Variants in GRM5 observed in about 807,000 individuals in gnomAD.
The protein encoded by GRM5 is metabotropic glutamate receptor 5.
A neutral mutation model predicts 83.1 loss-of-function variants in GRM5; 19 were observed. The observed-to-expected ratio is 0.23, with a 90% CI of 0.16 to 0.34. GRM5 has a LOEUF of 0.34. Ranked by LOEUF, GRM5 falls within the 10% of genes least tolerant of loss-of-function variation. The pLI, the probability that GRM5 is intolerant of heterozygous loss-of-function variation, is 1.00. For missense variants in GRM5, 1,160 were observed against 1,588.3 expected (o/e 0.73, Z 4.58); for synonymous variants, 675 against 633.6 (o/e 1.07, Z -0.98).
chr11:88,546,704 G>A (rs921163305), intron 8 of GRM5, among the ~76,000 whole-genome samples: 3 of 152,014 alleles, frequency 2.0e-5, no homozygotes, highest in Admixed American at 1.3e-4. Flanking sequence ...AGCTTGATGC[G>A]TGGGGATAAA....
intron 2 of GRM5, chr11:88,911,954 C>T (rs767855688): frequency 4.9e-5 from 22 of 451,206 alleles, no homozygotes; most frequent in East Asian, 4.2e-4. Context: ...TACCCAAGTA[C>T]GAAATTTTTT....
intron 2 of GRM5, among the ~76,000 whole-genome samples, chr11:88,992,397 G>T (rs1014446922): frequency 6.6e-6 from 1 of 151,982 alleles, no homozygotes; most frequent in East Asian, 1.9e-4. Context: ...GGAAAAATAG[G>T]AACACTTTTA....
chr11:88,961,258 G>A (rs1938774103), intron 2 of GRM5, among the ~76,000 whole-genome samples: 1 of 152,150 alleles, frequency 6.6e-6, no homozygotes, highest in Non-Finnish European at 1.5e-5. Context: ...CTAGACAGGT[G>A]GGTAAACAAA....
At chr11:88,715,680 C>T (rs1026858469) in intron 3 of GRM5, among the ~76,000 whole-genome samples, 4 of 152,012 alleles carry the variant, frequency 2.6e-5, no homozygotes, top group African/African-American at 9.7e-5. Context: ...ATTTCATTTT[C>T]ATTTCAACAG....
In GRM5 at chr11:89,047,921, C is replaced by G. The variant is rs55835087; in HGVS notation, c.-49G>C. The stretch of plus-strand genomic sequence containing the variant: ...TAAAGATAGCATGGTGGGGAAAATT[C>G]AGGAGGGTTCTGATAGCTACGAACA... On this transcript the variant is annotated 5_prime_UTR_variant, in exon 2 of 10. Coordinates refer to ENST00000305447, the MANE Select transcript of GRM5 (RefSeq NM_001143831.3). This position sits in a 1 kb window ranked among gnomAD's most constrained non-coding sequence, Gnocchi z 5.1. 38 of 1,452,354 alleles carry G rather than the reference C, an allele frequency of 2.6e-5. No individual in the cohort carries two copies. In the Admixed American group the frequency reaches 5.7e-4, roughly 22 times the overall value. The allele number at this position is 1,452,354 out of a possible 1,614,324, so 90.0% of individuals were successfully genotyped here. A position where few individuals can be genotyped will look rare whatever the true frequency, so the allele number is the denominator to read the frequency against.
At chr11:88,811,846 C>T (rs12795125) in intron 3 of GRM5, among the ~76,000 whole-genome samples, 43,682 of 151,902 alleles carry the variant, frequency 0.29, 7,531 homozygotes, top group Non-Finnish European at 0.4. Flanking sequence ...GGGTACCATG[C>T]GCCAACTTAC....
intron 1 of GRM5, among the ~76,000 whole-genome samples, chr11:89,049,708 C>A (rs1941716418): frequency 1.3e-5 from 2 of 152,080 alleles, no homozygotes; most frequent in African/African-American, 4.8e-5. Context: ...TTTAATATTT[C>A]ATCAAATAAC....
At chr11:88,834,782 T>C (rs912590970) in intron 3 of GRM5, among the ~76,000 whole-genome samples, 3 of 152,186 alleles carry the variant, frequency 2.0e-5, no homozygotes, top group African/African-American at 7.2e-5. Context: ...AGCTATGAAA[T>C]AGACCTGTCA....
In GRM5 at chr11:88,567,360, C is replaced by A; in HGVS notation, c.2323G>T (p.Ala775Ser). 1 of 1,614,038 alleles carries A rather than the reference C, an allele frequency of 6.2e-7. No individual in the cohort carries two copies. Among genetic ancestry groups the A allele is most frequent in the Non-Finnish European group, 8.5e-7 (1 of 1,179,978 alleles). ...PANFNEAKYIAFTMYTTCIIW... is the reference protein window; with the variant it reads ...PANFNEAKYISFTMYTTCIIW... ...ATGCAGGTCGTGTACATTGTGAAGGCGATATACTTGGCCTCGTTGAAGTTA... is the reference window on the plus strand; with the variant it reads ...ATGCAGGTCGTGTACATTGTGAAGGAGATATACTTGGCCTCGTTGAAGTTA... The change falls in exon 8 of 10, where the codon GCC (alanine) becomes TCC (serine). Residue 775 changes from alanine (A) to serine (S), a missense_variant. Ala to Ser is a moderately conservative substitution (Grantham distance 99). Coordinates refer to ENST00000305447, the MANE Select transcript of GRM5 (RefSeq NM_001143831.3). The surrounding 1 kb of genome is among the most constrained non-coding windows in gnomAD (Gnocchi z 7.3).
At chr11:88,755,566 G>A (rs2135432212) in intron 3 of GRM5, among the ~76,000 whole-genome samples, 1 of 152,090 alleles carries the variant, frequency 6.6e-6, no homozygotes, top group South Asian at 2.1e-4. Flanking sequence ...TGATTTTGTT[G>A]CAAACTCTCT....
chr11:88,518,446 T>C (rs1162859980), intron 9 of GRM5, among the ~76,000 whole-genome samples: 1 of 152,040 alleles, frequency 6.6e-6, no homozygotes, highest in Admixed American at 6.6e-5. Flanking sequence ...TTTTATAAAA[T>C]TAATTGGTAA....
At chr11:88,746,965 G>A (rs7110972) in intron 3 of GRM5, among the ~76,000 whole-genome samples, 70,011 of 147,736 alleles carry the variant, frequency 0.47, 18,436 homozygotes, top group South Asian at 0.77. Context: ...AATTTAAACA[G>A]AATTTTTAAA....
chr11:88,905,760 A>G (rs618999), intron 2 of GRM5, among the ~76,000 whole-genome samples: 146,315 of 152,146 alleles, frequency 0.96, 70,405 homozygotes, highest in East Asian at 0.99. Context: ...ATTTTGAAAG[A>G]CATTTCTGAG....
intron 8 of GRM5, among the ~76,000 whole-genome samples, chr11:88,529,042 C>T (rs188423266): frequency 6.6e-6 from 1 of 151,906 alleles, no homozygotes; most frequent in African/African-American, 2.4e-5. Flanking sequence ...TCTTCTTGAC[C>T]CCGTTTTGCA....
At chr11:88,884,875 T>C (rs527633644) in intron 2 of GRM5, among the ~76,000 whole-genome samples, 1 of 152,274 alleles carries the variant, frequency 6.6e-6, no homozygotes, top group South Asian at 2.1e-4. Context: ...GCCATGTGGA[T>C]TTGTGAGTTC....
chr11:88,637,708 G>C (rs1038344616), intron 4 of GRM5, among the ~76,000 whole-genome samples: 3 of 145,928 alleles, frequency 2.1e-5, no homozygotes, highest in Admixed American at 6.9e-5. Flanking sequence ...CTGTTGGTGG[G>C]AGTGTAAACT....
chr11:88,967,145 T>A (rs1191211424), intron 2 of GRM5, among the ~76,000 whole-genome samples: 1 of 151,624 alleles, frequency 6.6e-6, no homozygotes, highest in Non-Finnish European at 1.5e-5. Flanking sequence ...AAGCCAAGCA[T>A]AATGAATTCC....
intron 2 of GRM5, among the ~76,000 whole-genome samples, chr11:88,907,286 G>A (rs953506635): frequency 2.0e-5 from 3 of 152,040 alleles, no homozygotes; most frequent in Admixed American, 2.0e-4. Flanking sequence ...TCCAACAGCT[G>A]GGAGGCCACA....
At chr11:88,989,792 A>G (rs1218963459) in intron 2 of GRM5, among the ~76,000 whole-genome samples, 3 of 148,322 alleles carry the variant, frequency 2.0e-5, no homozygotes, top group Admixed American at 6.7e-5. Context: ...AGGCAGAAAT[A>G]AAGATGTTCT....
Sources: gnomAD v4.1 joint callset for allele counts (sites outside exome capture counted in the v4.1 genomes callset) on GRCh38, gnomAD v4.1.1 for gene constraint, Gnocchi (gnomAD v3.1) non-coding constraint, MANE v1.5 for transcripts, NCBI Gene and HGNC (gene_info 2026-07-23, HGNC 2026-07-21) for gene names.